TENM1: variants seen among roughly 807,000 people sequenced by gnomAD.
TENM1 encodes teneurin transmembrane protein 1, also known as teneurin-1.
Under a neutral mutation model 174.8 loss-of-function variants are expected in TENM1, and 35 were observed. The ratio of observed to expected loss-of-function variants is 0.20; its 90% CI spans 0.15 to 0.27. The LOEUF is 0.27. Ranked by LOEUF, TENM1 falls within the 10% of genes least tolerant of loss-of-function variation. The pLI is 1.00. For synonymous variants in TENM1, 781 were observed against 798.7 expected (o/e 0.98, Z 0.37); for missense variants, 1,633 against 2,130.1 (o/e 0.77, Z 4.59).
chrX:125,100,520 T>A, the TENM1 span, among the ~76,000 whole-genome samples: 1 of 112,201 alleles, frequency 8.9e-6, no homozygotes, highest in Admixed American at 9.4e-5. Context: ...AATTTCACAA[T>A]ACCATTGGGT....
At chrX:125,059,784 C>T in the TENM1 span, among the ~76,000 whole-genome samples, 1 of 111,212 alleles carries the variant, frequency 9.0e-6, no homozygotes, top group Non-Finnish European at 1.9e-5. Context: ...ATTATTTAGT[C>T]CTGAAAAAGA....
chrX:124,752,561 C>A (rs1179176631), intron 3 of TENM1, among the ~76,000 whole-genome samples: 1 of 111,737 alleles, frequency 8.9e-6, no homozygotes, highest in African/African-American at 3.3e-5. Context: ...ACATGAAGTC[C>A]TTGCTCATGC....
the TENM1 span, among the ~76,000 whole-genome samples, chrX:124,970,323 A>G: frequency 1.8e-5 from 2 of 111,954 alleles, no homozygotes; most frequent in African/African-American, 6.5e-5. Flanking sequence ...TAAAGGGTAC[A>G]TAGAACATTG....
intron 11 of TENM1, among the ~76,000 whole-genome samples, chrX:124,629,576 G>A (rs1053020131): frequency 4.5e-5 from 5 of 112,156 alleles, no homozygotes; most frequent in African/African-American, 1.6e-4. Flanking sequence ...GCTATGTGTT[G>A]CACATATGTT....
At chrX:124,654,196 A>C (rs1428748000) in intron 6 of TENM1, among the ~76,000 whole-genome samples, 1 of 112,266 alleles carries the variant, frequency 8.9e-6, no homozygotes, top group Non-Finnish European at 1.9e-5. Context: ...TGAAAGAGGG[A>C]AAGTTATTTG....
chrX:125,133,972 C>T, the TENM1 span, among the ~76,000 whole-genome samples: 1 of 110,915 alleles, frequency 9.0e-6, no homozygotes, highest in African/African-American at 3.3e-5. Context: ...TTGGTTTCCT[C>T]AGTTGTAAAT....
intron 5 of TENM1, among the ~76,000 whole-genome samples, chrX:124,678,788 G>T (rs985740001): frequency 4.8e-4 from 53 of 111,159 alleles, no homozygotes; most frequent in African/African-American, 1.7e-3. Context: ...GAAAATTTGG[G>T]TGTTGGGAAG....
chrX:124,718,529 C>A (rs749648214), intron 4 of TENM1, among the ~76,000 whole-genome samples: 2 of 112,119 alleles, frequency 1.8e-5, no homozygotes, highest in African/African-American at 6.5e-5. Context: ...CAGGATATGA[C>A]AAGTTAATTG....
chrX:125,003,257 G>A, the TENM1 span, among the ~76,000 whole-genome samples: 1 of 111,431 alleles, frequency 9.0e-6, no homozygotes, highest in Admixed American at 9.6e-5. Flanking sequence ...AAGAACTTTT[G>A]GCAAGTGTTA....
intron 11 of TENM1, among the ~76,000 whole-genome samples, chrX:124,596,982 A>G (rs2049908943): frequency 1.8e-5 from 2 of 111,460 alleles, no homozygotes; most frequent in Non-Finnish European, 3.8e-5. Context: ...ATACCACCTT[A>G]CTCCTGCAAG....
intron 5 of TENM1, among the ~76,000 whole-genome samples, chrX:124,685,412 C>A (rs921073188): frequency 2.7e-5 from 3 of 110,739 alleles, no homozygotes; most frequent in African/African-American, 9.9e-5. Context: ...CTGAAAAATT[C>A]CATCAACAGC....
the TENM1 span, among the ~76,000 whole-genome samples, chrX:125,117,689 T>A: frequency 9.0e-6 from 1 of 111,006 alleles, no homozygotes; most frequent in Admixed American, 9.6e-5. Context: ...ATCCCAGAAC[T>A]TAAACTATAA....
intron 3 of TENM1, among the ~76,000 whole-genome samples, chrX:124,750,287 T>G (rs1015062213): frequency 8.9e-6 from 1 of 111,801 alleles, no homozygotes; most frequent in East Asian, 2.8e-4. Context: ...ATGAAGACTA[T>G]GGCTGTGGGT....
At chrX:125,192,777 T>C in the TENM1 span, among the ~76,000 whole-genome samples, 1 of 111,570 alleles carries the variant, frequency 9.0e-6, no homozygotes, top group Non-Finnish European at 1.9e-5. Flanking sequence ...TTTGTATGTA[T>C]ACATGTACAT....
chrX:124,747,344 T>A (rs2053945995), intron 3 of TENM1, among the ~76,000 whole-genome samples: 1 of 106,882 alleles, frequency 9.4e-6, no homozygotes, highest in African/African-American at 3.4e-5. Context: ...GGGAAGAGAG[T>A]CAGCTTGCAT....
intron 21 of TENM1, among the ~76,000 whole-genome samples, chrX:124,486,972 G>C (rs2046966281): frequency 8.9e-6 from 1 of 111,987 alleles, no homozygotes; most frequent in Non-Finnish European, 1.9e-5. Context: ...GTACTCAACT[G>C]TCAGCTTTCA....
the TENM1 span, among the ~76,000 whole-genome samples, chrX:125,180,563 G>C: frequency 9.1e-6 from 1 of 109,682 alleles, no homozygotes; most frequent in Admixed American, 9.7e-5. Flanking sequence ...AAAATCATCA[G>C]TGTTCCTAGG....
intron 11 of TENM1, among the ~76,000 whole-genome samples, chrX:124,581,279 A>G (rs2049302740): frequency 9.1e-6 from 1 of 109,695 alleles, no homozygotes; most frequent in Admixed American, 9.7e-5. Flanking sequence ...GTTAGGTAGG[A>G]TGGTCTCCAT....
the TENM1 span, among the ~76,000 whole-genome samples, chrX:125,031,117 C>G: frequency 1.8e-5 from 2 of 109,958 alleles, no homozygotes; most frequent in African/African-American, 6.6e-5. Context: ...TCCTCCCTCC[C>G]CACTCTAAGT....
Sources: gnomAD v4.1 joint callset for allele counts (sites outside exome capture counted in the v4.1 genomes callset) on GRCh38, gnomAD v4.1.1 for gene constraint, MANE v1.5 for transcripts, NCBI Gene and HGNC (gene_info 2026-07-23, HGNC 2026-07-21) for gene names.